RBFOX3: variants seen among roughly 807,000 people sequenced by gnomAD.
RBFOX3 encodes RNA binding fox-1 homolog 3, also known as RNA binding protein fox-1 homolog 3.
In RBFOX3, 17 loss-of-function variants were observed where a neutral mutation model predicts 48.7. The ratio of observed to expected loss-of-function variants is 0.35; its 90% CI spans 0.24 to 0.52. The LOEUF is 0.52. RBFOX3 is among the 20% of genes least tolerant of loss of function. RBFOX3 has a pLI of 0.94. For synonymous variants in RBFOX3, 212 were observed against 209.5 expected (o/e 1.01, Z -0.10); for missense variants, 382 against 497.5 (o/e 0.77, Z 2.21).
Position 79,139,530 on chromosome 17 carries a change from G to A in RBFOX3, c.-33-23782C>T, listed in dbSNP as rs114687865. ...AAGCATTCATCTTCTCCTGCTGACC[G>A]GGATGTGGGCTCCTTCCCCGTGAGG... is the stretch of plus-strand genomic sequence containing the variant. On this transcript the variant is annotated intron_variant, in intron 4 of 14. Transcript: ENST00000693108. Among the ~76,000 whole-genome samples, 1,324 of 152,310 alleles carry A rather than the reference G, an allele frequency of 8.7e-3. 22 individuals carry two copies. Among genetic ancestry groups the A allele is most frequent in the African/African-American group, 0.03 (1,264 of 41,550 alleles).
chr17:79,336,707 AG>A (rs1169820018), intron 2 of RBFOX3, among the ~76,000 whole-genome samples: 1 of 152,094 alleles, frequency 6.6e-6, no homozygotes, highest in Non-Finnish European at 1.5e-5. Flanking sequence ...GGATCACAAC[AG>A]GGGGGTGGCT....
chr17:79,614,048 C>T (rs1420190264), upstream of RBFOX3, among the ~76,000 whole-genome samples: 9 of 152,198 alleles, frequency 5.9e-5, no homozygotes, highest in African/African-American at 2.2e-4. Context: ...GAACAGTAGC[C>T]GGCTGTGGGC....
chr17:79,164,796 A>G (rs1276393382), intron 4 of RBFOX3, among the ~76,000 whole-genome samples: 1 of 152,180 alleles, frequency 6.6e-6, no homozygotes, highest in African/African-American at 2.4e-5. Context: ...GTGCCTGGGC[A>G]GCGGGCTGGG....
At chr17:79,368,160 C>G (rs1388197783) in intron 2 of RBFOX3, among the ~76,000 whole-genome samples, 1 of 152,206 alleles carries the variant, frequency 6.6e-6, no homozygotes, top group African/African-American at 2.4e-5. Flanking sequence ...CACGGGATCC[C>G]ACGGGATGGG....
chr17:79,421,428 A>G lies in RBFOX3; in HGVS notation c.-175+61026T>C, dbSNP rs1555722297. Among the ~76,000 whole-genome samples, 1 of 152,114 alleles carries G rather than the reference A, an allele frequency of 6.6e-6. No individual in the cohort carries two copies. The highest frequency in any genetic ancestry group is 1.5e-5 in the Non-Finnish European group (1 of 67,998). Reference sequence around the variant, plus strand: ...CTGGGCCTGGCTGCCTGCCAAGCCTAGGGGCCTCTCCAGAGCCCACGGACC... The same window carrying G: ...CTGGGCCTGGCTGCCTGCCAAGCCTGGGGGCCTCTCCAGAGCCCACGGACC... On this transcript the variant is annotated intron_variant, in intron 2 of 14. Coordinates refer to ENST00000693108, the MANE Select transcript of RBFOX3 (RefSeq NM_001350451.2). The surrounding 1 kb of genome is among the most constrained non-coding windows in gnomAD (Gnocchi z 4.5).
intron 2 of RBFOX3, among the ~76,000 whole-genome samples, chr17:79,400,629 G>A (rs1003505878): frequency 2.0e-4 from 10 of 51,034 alleles, no homozygotes; most frequent in East Asian, 1.7e-3. Flanking sequence ...TGTGACCCGC[G>A]AATTAACCAC....
chr17:79,389,061 T>C (rs8070406), intron 2 of RBFOX3, among the ~76,000 whole-genome samples: 6 of 151,964 alleles, frequency 3.9e-5, no homozygotes, highest in Non-Finnish European at 8.8e-5. Context: ...ACACTGACCA[T>C]GAATGAGAAC....
chr17:79,351,474 A>G (rs1251179747), intron 2 of RBFOX3, among the ~76,000 whole-genome samples: 2 of 152,138 alleles, frequency 1.3e-5, no homozygotes, highest in Non-Finnish European at 2.9e-5. Flanking sequence ...GCAGTGGCTC[A>G]CTGCAGCCTC....
chr17:79,422,301 C>T (rs146710460), intron 2 of RBFOX3, among the ~76,000 whole-genome samples: 4 of 152,176 alleles, frequency 2.6e-5, no homozygotes, highest in Non-Finnish European at 4.4e-5. Context: ...CCTATGGCCT[C>T]GCTGGCAACT....
At chr17:79,189,666 G>A (rs192803171) in intron 4 of RBFOX3, among the ~76,000 whole-genome samples, 85 of 152,306 alleles carry the variant, frequency 5.6e-4, no homozygotes, top group Admixed American at 5.4e-3. Context: ...CTCCCTCAGC[G>A]TTCCTAGCTG....
Position 79,350,229 on chromosome 17 carries a change from G to C in RBFOX3, c.-174-42405C>G, listed in dbSNP as rs2083646792. ...CTGACAGGCAGTTCTGACAGTGGCC[G>C]GCTCTGCGCCCCATCCCGCCTCTCC... On this transcript the variant is annotated intron_variant, in intron 2 of 14. Coordinates refer to ENST00000693108, the MANE Select transcript of RBFOX3 (RefSeq NM_001350451.2). 2.0e-5 allele frequency among the ~76,000 whole-genome samples: 3 copies of C among 152,256 alleles called. No individual in the cohort carries two copies. In the East Asian group the frequency reaches 5.8e-4, roughly 29 times the overall value.
chr17:79,262,563 C>G (rs1345783265), intron 3 of RBFOX3, among the ~76,000 whole-genome samples: 1 of 152,266 alleles, frequency 6.6e-6, no homozygotes, highest in Non-Finnish European at 1.5e-5. Flanking sequence ...GAGGGCAGGA[C>G]CCCTTAATCC....
At chr17:79,168,189 CCT>C (rs974767214) in intron 4 of RBFOX3, among the ~76,000 whole-genome samples, 7 of 152,206 alleles carry the variant, frequency 4.6e-5, no homozygotes, top group African/African-American at 1.7e-4. Flanking sequence ...CTGCCTGACC[CCT>C]GACCGGCAGG....
At position 79,363,369 on chromosome 17, in the gene RBFOX3, C is replaced by T. The variant is rs1002676966; in HGVS notation, c.-174-55545G>A. ...GAGAGGAACAGGATTCCTGGGATAC[C>T]CAGGAAGTCTGTGGGCTGTTCCCTC... On this transcript the variant is annotated intron_variant, in intron 2 of 14. Transcript: ENST00000693108. This position sits in a 1 kb window ranked among gnomAD's most constrained non-coding sequence, Gnocchi z 4.7. Among the ~76,000 whole-genome samples the T allele has an allele frequency of 4.6e-5, 7 of 152,138 alleles. No individual in the cohort carries two copies. The highest frequency in any genetic ancestry group is 1.7e-4 in the African/African-American group (7 of 41,502).
the RBFOX3 span, among the ~76,000 whole-genome samples, chr17:79,664,831 G>A: frequency 2.6e-5 from 4 of 152,112 alleles, no homozygotes; most frequent in Non-Finnish European, 4.4e-5. Flanking sequence ...CCACAAGGAG[G>A]GACCTTCTAT....
chr17:79,620,382 CAT>C, the RBFOX3 span, among the ~76,000 whole-genome samples: 4 of 150,136 alleles, frequency 2.7e-5, no homozygotes, highest in South Asian at 2.1e-4. Context: ...CATACACACA[CAT>C]GCACACATGC....
chr17:79,311,495 C>T lies in RBFOX3; in HGVS notation c.-174-3671G>A, dbSNP rs2076856107. On this transcript the variant is annotated intron_variant, in intron 2 of 14. Transcript: ENST00000693108. The surrounding 1 kb of genome is among the most constrained non-coding windows in gnomAD (Gnocchi z 4.2). ...ATTCCTGCCTGAGGTTCCAGCCTGT[C>T]CACCCATCCTACAGAGTTCAGATTC... Among the ~76,000 whole-genome samples the T allele has an allele frequency of 6.6e-6, 1 of 151,804 alleles. No individual in the cohort carries two copies. Among genetic ancestry groups the T allele is most frequent in the Admixed American group, 6.6e-5 (1 of 15,240 alleles).
intron 6 of RBFOX3, 44 bp downstream of exon 6, chr17:79,106,607 G>A: frequency 1.4e-6 from 2 of 1,413,992 alleles, no homozygotes; most frequent in Non-Finnish European, 1.8e-6. Flanking sequence ...CCTGGAGCTG[G>A]GGCAGGTGTG....
chr17:79,216,341 C>G (rs1353349508), intron 4 of RBFOX3, among the ~76,000 whole-genome samples: 1 of 152,158 alleles, frequency 6.6e-6, no homozygotes, highest in Non-Finnish European at 1.5e-5. Flanking sequence ...ACCCACCTGA[C>G]GGAAGAAGGT....
Sources: gnomAD v4.1 joint callset for allele counts (sites outside exome capture counted in the v4.1 genomes callset) on GRCh38, gnomAD v4.1.1 for gene constraint, Gnocchi (gnomAD v3.1) non-coding constraint, MANE v1.5 for transcripts, NCBI Gene and HGNC (gene_info 2026-07-23, HGNC 2026-07-21) for gene names.